Variants in TMEM210 observed in about 807,000 individuals in gnomAD.
TMEM210 encodes transmembrane protein 210.
TMEM210 carries 7 observed loss-of-function variants against 10.3 expected under a neutral mutation model. That is an observed-to-expected ratio of 0.68 (90% confidence interval 0.39 to 1.28). The LOEUF (loss-of-function observed/expected upper bound fraction) is 1.28. TMEM210 is among the 50% of genes most tolerant of loss of function. The probability of loss-of-function intolerance (pLI) is 0.01; values close to 1 mark genes in which losing one functional copy is unlikely to be tolerated. For synonymous variants in TMEM210, 79 were observed against 81.2 expected (o/e 0.97, Z 0.14); for missense variants, 185 against 197.8 (o/e 0.94, Z 0.39).
chr9:137,171,742 G>A lies in TMEM210; in HGVS notation c.123C>T (p.Ser41=). The part of the protein sequence containing the change: ...GTYCECSLGL[S]REALIALLVV... ...CAAGGAGGGCGATGAGGGCCTCGCG[G>A]CTGAGGCCAAGGCTGCATTCACAGT... The change falls in exon 2 of 4, where the codon AGC becomes AGT. Residue 41 remains serine (S), a synonymous_variant. Transcript: ENST00000413619. 2 of 1,535,160 alleles carry A rather than the reference G, an allele frequency of 1.3e-6. No homozygotes were observed. Among genetic ancestry groups the A allele is most frequent in the Non-Finnish European group, 1.7e-6 (2 of 1,146,424 alleles).
Position 137,171,570 on chromosome 9 carries a change from G to GC in TMEM210, c.224+70dup, listed in dbSNP as rs1834108449. The stretch of plus-strand genomic sequence containing the variant: ...CCACCCAGGGGGTAAAGCCCTTCTT[G>GC]CAAGACCAAGGGCCCAGGGCAGCCA... On this transcript the variant is annotated intron_variant, in intron 2 of 3. Transcript: ENST00000413619. 6 of 1,529,596 alleles carry GC rather than the reference G, an allele frequency of 3.9e-6. No individual in the cohort carries two copies. In the African/African-American group the frequency reaches 5.5e-5, roughly 14 times the overall value. The allele number at this position is 1,529,596 out of a possible 1,614,324, so 94.8% of individuals were successfully genotyped here.
chr9:137,171,197 A>G (rs1259026631), intron 3 of TMEM210, 33 bp from the exon 4 acceptor site: 2 of 1,527,722 alleles, frequency 1.3e-6, no homozygotes, highest in Non-Finnish European at 1.8e-6. Flanking sequence ...ACGAGCTGGT[A>G]GAGTCCTTGT....
Position 137,170,994 on chromosome 9 carries a change from G to A in TMEM210, c.425C>T (p.Pro142Leu), listed in dbSNP as rs541483759. The A allele has an allele frequency of 3.5e-5, 54 of 1,534,352 alleles. No individual in the cohort carries two copies. The African/African-American group carries it at 4.1e-4, about 12-fold the overall frequency. The change falls in exon 4 of 4, where the codon CCG (proline) becomes CTG (leucine). Residue 142 changes from proline to leucine, a missense_variant. Physicochemically the swap from Pro to Leu is moderately conservative, Grantham distance 98. Transcript: ENST00000413619. ...EASSEEPPPP[P>L]PLPPE is the part of the protein sequence containing the mutation. ...AGCCCTCTACTCAGGTGGTAGGGGC[G>A]GGGGTGGTGGCGGCTCCTCTGAAGA...
intron 2 of TMEM210, 59 bp downstream of exon 2, chr9:137,171,582 G>T: frequency 2.0e-6 from 3 of 1,527,464 alleles, no homozygotes; most frequent in Non-Finnish European, 2.6e-6. Flanking sequence ...AAGACCAAGG[G>T]CCCAGGGCAG....
In TMEM210 at chr9:137,171,757, G is replaced by A. The variant is rs1443426032; in HGVS notation, c.108C>T (p.Cys36=). ...GGGCCTCGCGGCTGAGGCCAAGGCT[G>A]CATTCACAGTAGGTTCCAGCTGCAG... The part of the protein sequence containing the change: ...IPAAAGTYCE[C]SLGLSREALI... The change falls in exon 2 of 4, where the codon TGC becomes TGT. Residue 36 remains cysteine (C), a synonymous_variant. Transcript: ENST00000413619. The A allele has an allele frequency of 1.3e-6, 2 of 1,533,464 alleles. No homozygotes were observed. The highest frequency in any genetic ancestry group is 2.7e-5 in the African/African-American group (2 of 73,008). 95.0% of individuals were successfully genotyped at this position (1,533,464 alleles called of 1,614,324 possible). A position where few individuals can be genotyped will look rare whatever the true frequency, so the allele number is the denominator to read the frequency against.
chr9:137,171,747 G>A lies in TMEM210; in HGVS notation c.118C>T (p.Leu40Phe), dbSNP rs1834113457. ...AGTYCECSLG[L>F]SREALIALLV... ...AGGGCGATGAGGGCCTCGCGGCTGA[G>A]GCCAAGGCTGCATTCACAGTAGGTT... Residue 40 changes from leucine to phenylalanine, a missense_variant, in exon 2 of 4, where the codon CTC becomes TTC. Physicochemically the swap from Leu to Phe is conservative, Grantham distance 22. Coordinates refer to ENST00000413619, the MANE Select transcript of TMEM210 (RefSeq NM_001282477.2). 3 of 1,534,514 alleles carry A rather than the reference G, an allele frequency of 2.0e-6. No individual in the cohort carries two copies. Among genetic ancestry groups the A allele is most frequent in the African/African-American group, 1.4e-5 (1 of 73,036 alleles).
chr9:137,171,828 C>T (rs1834115124), intron 1 of TMEM210, 52 bp from the exon 2 acceptor site: 3 of 1,471,320 alleles, frequency 2.0e-6, no homozygotes, highest in Non-Finnish European at 2.7e-6. Flanking sequence ...CTGCAGAGGG[C>T]CCCCAAGTCT....
rs1457454611 is a variant in TMEM210, at chr9:137,171,681, C to T, written c.184G>A (p.Ala62Thr). ...ACACCAATTGCCACGATGACGAGGG[C>T]ACAGAAGCAGCTGGCACTGATGCCC... ...LAGISASCFC[A>T]LVIVAIGVLR... The change falls in exon 2 of 4, where the codon GCC (alanine) becomes ACC (threonine). Residue 62 changes from alanine to threonine, a missense_variant. By Grantham distance (58) the Ala-to-Thr change is moderately conservative (BLOSUM62 0). Transcript: ENST00000413619. The T allele has an allele frequency of 6.5e-6, 10 of 1,535,388 alleles. No homozygotes were observed. The East Asian group carries it at 2.2e-4, about 34-fold the overall frequency.
Position 137,170,941 on chromosome 9 carries a change from C to T in TMEM210, c.*34G>A. 1 of 1,521,760 alleles carries T rather than the reference C, an allele frequency of 6.6e-7. No homozygotes were observed. Among genetic ancestry groups the T allele is most frequent in the South Asian group, 1.2e-5 (1 of 82,874 alleles). The allele number at this position is 1,521,760 out of a possible 1,614,324, so 94.3% of individuals were successfully genotyped here. Reference sequence around the variant, plus strand: ...GGACAGTGCACAGCCACTAAATACGCTTTAATTCCCCTCCCCCAGCTGCCC... The same window carrying T: ...GGACAGTGCACAGCCACTAAATACGTTTTAATTCCCCTCCCCCAGCTGCCC... On this transcript the variant is annotated 3_prime_UTR_variant, in exon 4 of 4. Transcript: ENST00000413619.
chr9:137,171,509 C>T (rs550391304), intron 2 of TMEM210, 66 bp from the exon 3 acceptor site: 48 of 1,534,962 alleles, frequency 3.1e-5, no homozygotes, highest in East Asian at 1.2e-4. Context: ...CCCCAGCACA[C>T]GCCTAGGAAA....
At chr9:137,171,869 C>G (rs1834115621) in intron 1 of TMEM210, 71 bp downstream of exon 1, 4 of 1,438,348 alleles carry the variant, frequency 2.8e-6, no homozygotes. Context: ...CAGAAGGACA[C>G]CAGAGCTCCC....
chr9:137,171,593 C>G (rs1834108661), intron 2 of TMEM210, 48 bp downstream of exon 2: 1 of 1,525,688 alleles, frequency 6.6e-7, no homozygotes. Flanking sequence ...CCCAGGGCAG[C>G]CAGCCTGGCC....
chr9:137,171,995 C>T lies in TMEM210; in HGVS notation c.33G>A (p.Leu11=). Residue 11 remains leucine, a synonymous_variant, in exon 1 of 4, where the codon CTG becomes CTA. Transcript: ENST00000413619. MAPGPWPVSC[L]RGGPLGLTYL... is the part of the protein sequence containing the mutation. The stretch of plus-strand genomic sequence containing the variant: ...ATGTGAGGCCCAAGGGGCCACCACG[C>T]AGGCAGGACACAGGCCAGGGACCGG... 6.4e-6 allele frequency: 9 copies of T among 1,416,724 alleles called. No homozygotes were observed. Among genetic ancestry groups the T allele is most frequent in the Non-Finnish European group, 8.3e-6 (9 of 1,089,620 alleles). The allele number at this position is 1,416,724 out of a possible 1,614,324, so 87.8% of individuals were successfully genotyped here. A position where few individuals can be genotyped will look rare whatever the true frequency, so the allele number is the denominator to read the frequency against.
chr9:137,171,076 C>T lies in TMEM210; in HGVS notation c.343G>A (p.Val115Ile). ...TCCTCTAGTGGTGGCACCAGGGAGA[C>T]CTCCAGGTCAGCGTCCATTAGCTGG... ...ESQLMDADLE[V>I]SLVPPLEDQS... The change falls in exon 4 of 4, where the codon GTC becomes ATC. Residue 115 changes from valine (V) to isoleucine (I), a missense_variant. Coordinates refer to ENST00000413619, the MANE Select transcript of TMEM210 (RefSeq NM_001282477.2). 5 of 1,535,384 alleles carry T rather than the reference C, an allele frequency of 3.3e-6. No individual in the cohort carries two copies. Among genetic ancestry groups the T allele is most frequent in the Non-Finnish European group, 4.4e-6 (5 of 1,146,528 alleles).
intron 2 of TMEM210, 51 bp downstream of exon 2, chr9:137,171,590 C>A: frequency 2.0e-6 from 3 of 1,526,642 alleles, no homozygotes; most frequent in South Asian, 1.2e-5. Context: ...GGGCCCAGGG[C>A]AGCCAGCCTG....
In TMEM210 at chr9:137,171,983, G is replaced by A; in HGVS notation, c.45C>T (p.Pro15=). 1 of 1,420,678 alleles carries A rather than the reference G, an allele frequency of 7.0e-7. No homozygotes were observed. The highest frequency in any genetic ancestry group is 2.6e-5 in the East Asian group (1 of 38,632). 88.0% of individuals were successfully genotyped at this position (1,420,678 alleles called of 1,614,324 possible). ...PWPVSCLRGG[P]LGLTYLSLLL... is the part of the protein sequence containing the mutation. ...GAAGGGACAAATATGTGAGGCCCAA[G>A]GGGCCACCACGCAGGCAGGACACAG... Residue 15 remains proline, a synonymous_variant, in exon 1 of 4, where the codon CCC becomes CCT. Coordinates refer to ENST00000413619, the MANE Select transcript of TMEM210 (RefSeq NM_001282477.2).
At position 137,171,802 on chromosome 9, in the gene TMEM210, T is replaced by C. The variant is rs539922600; in HGVS notation, c.89-26A>G. ...CTGCAGAGACAGGGCCACATGGCCA[T>C]GGGCCGGTCACCTGCCTGCAGAGGG... On this transcript the variant is annotated intron_variant, in intron 1 of 3. Transcript: ENST00000413619. The C allele has an allele frequency of 4.2e-4, 627 of 1,502,994 alleles. 3 individuals carry two copies. In the South Asian group the frequency reaches 7.2e-3, roughly 17 times the overall value. 93.1% of individuals were successfully genotyped at this position (1,502,994 alleles called of 1,614,324 possible).
In TMEM210 at chr9:137,171,039, A is replaced by G; in HGVS notation, c.380T>C (p.Val127Ala). The G allele has an allele frequency of 6.5e-7, 1 of 1,535,296 alleles. No individual in the cohort carries two copies. The highest frequency in any genetic ancestry group is 8.7e-7 in the Non-Finnish European group (1 of 1,146,512). The part of the protein sequence containing the change: ...LVPPLEDQSL[V>A]AIPMEASSEE... ...TGAAGAAGCCTCCATGGGGATGGCC[A>G]CAAGGCTCTGATCCTCTAGTGGTGG... is the stretch of plus-strand genomic sequence containing the variant. The change falls in exon 4 of 4, where the codon GTG (valine) becomes GCG (alanine). Residue 127 changes from valine to alanine, a missense_variant. Coordinates refer to ENST00000413619, the MANE Select transcript of TMEM210 (RefSeq NM_001282477.2).
chr9:137,171,161 C>T lies in TMEM210; in HGVS notation c.258G>A (p.Leu86=). 1 of 1,534,692 alleles carries T rather than the reference C, an allele frequency of 6.5e-7. No individual in the cohort carries two copies. Among genetic ancestry groups the T allele is most frequent in the Non-Finnish European group, 8.7e-7 (1 of 1,146,054 alleles). ...ETCPRQVDNR[L]VENFGVQEDL... ...CTTCCTGGACCCCAAAATTCTCCAC[C>T]AACCTGCATGACGGGCCGGGTCATC... Residue 86 remains leucine, a synonymous_variant, in exon 4 of 4, where the codon TTG becomes TTA. Transcript: ENST00000413619.
Sources: allele counts gnomAD v4.1 joint callset, GRCh38; gene constraint gnomAD v4.1.1; transcripts MANE v1.5; gene names NCBI Gene and HGNC (gene_info 2026-07-23, HGNC 2026-07-21).